Variants in LSS observed in about 807,000 individuals in gnomAD.
LSS encodes the protein lanosterol synthase, also known as 2,3-epoxysqualene-lanosterol cyclase.
LSS carries 90 observed loss-of-function variants against 110.3 expected under a neutral mutation model. The observed-to-expected ratio is 0.82, with a 90% confidence interval of 0.69 to 0.97. The LOEUF is 0.97. Among genes scored for constraint, LSS ranks in the 50% least tolerant of loss-of-function variants. The probability of loss-of-function intolerance (pLI) is 0.00; values close to 1 mark genes in which losing one functional copy is unlikely to be tolerated. For synonymous variants in LSS, 433 were observed against 400.0 expected (o/e 1.08, Z -0.98); for missense variants, 927 against 990.0 (o/e 0.94, Z 0.85).
chr21:46,189,572 G>C lies in LSS; in HGVS notation c.*1532C>G. ...CTGGACAGAAGACCCCAGAGGGTGC[G>C]GCACCTGGGTGAGAGCCCTGGACTG... On this transcript the variant is annotated 3_prime_UTR_variant, in exon 22 of 22. Transcript: ENST00000397728. The C allele has an allele frequency of 2.3e-6, 1 of 436,560 alleles. No homozygotes were observed. Among genetic ancestry groups the C allele is most frequent in the South Asian group, 1.6e-5 (1 of 61,094 alleles). 27.0% of individuals were successfully genotyped at this position (436,560 alleles called of 1,614,324 possible).
chr21:46,226,682 G>A (rs1369774479), intron 3 of LSS, among the ~76,000 whole-genome samples: 1 of 152,244 alleles, frequency 6.6e-6, no homozygotes, highest in African/African-American at 2.4e-5. Flanking sequence ...CCATGGAACT[G>A]TTTTTAACGT....
intron 17 of LSS, among the ~76,000 whole-genome samples, chr21:46,197,387 C>T (rs1242125179): frequency 6.6e-6 from 1 of 151,974 alleles, no homozygotes; most frequent in Non-Finnish European, 1.5e-5. Context: ...TAAACTTTTC[C>T]CAGAAAAAAA....
intron 17 of LSS, among the ~76,000 whole-genome samples, chr21:46,197,251 T>G (rs1443503900): frequency 6.6e-6 from 1 of 152,262 alleles, no homozygotes; most frequent in East Asian, 1.9e-4. Flanking sequence ...GAAAGTTTTA[T>G]GTATTACATT....
intron 6 of LSS, 61 bp downstream of exon 6, chr21:46,219,415 T>C: frequency 8.9e-7 from 1 of 1,125,138 alleles, no homozygotes; most frequent in Non-Finnish European, 1.2e-6. Flanking sequence ...CCACGGTCCC[T>C]GTCACTCTAC....
At chr21:46,211,636 G>A (rs1471554457) in intron 11 of LSS, among the ~76,000 whole-genome samples, 1 of 152,116 alleles carries the variant, frequency 6.6e-6, no homozygotes, top group Non-Finnish European at 1.5e-5. Flanking sequence ...GTGTGGCAGA[G>A]GCATCCAGAC....
chr21:46,205,514 C>T (rs1221815815), intron 17 of LSS, among the ~76,000 whole-genome samples: 2 of 152,230 alleles, frequency 1.3e-5, no homozygotes, highest in African/African-American at 4.8e-5. Flanking sequence ...TTTCTGAATA[C>T]TTGCTACCCT....
At position 46,215,163 on chromosome 21, in the gene LSS, C is replaced by G; in HGVS notation, c.1011+17G>C. On this transcript the variant is annotated intron_variant, in intron 9 of 21. Transcript: ENST00000397728. ...ACCCCCAGGGGCTGCAGTCAGAGGC[C>G]GGGCAGGGGCACTGACCGGGCCGAT... The G allele has an allele frequency of 6.2e-7, 1 of 1,602,284 alleles. No individual in the cohort carries two copies. Among genetic ancestry groups the G allele is most frequent in the Non-Finnish European group, 8.5e-7 (1 of 1,175,248 alleles).
intron 20 of LSS, 42 bp downstream of exon 20, chr21:46,194,449 C>A: frequency 6.2e-7 from 1 of 1,608,368 alleles, no homozygotes; most frequent in Non-Finnish European, 8.5e-7. Context: ...TGTCCCTCCT[C>A]TACCCAAACC....
In LSS at chr21:46,216,298, G is replaced by C; in HGVS notation, c.783+91C>G. ...TCTCCGCTCCACAGGGCCACCAGGT[G>C]AGTGGACAGGTGTGGTTAGATTCCA... On this transcript the variant is annotated intron_variant, in intron 7 of 21. Coordinates refer to ENST00000397728, the MANE Select transcript of LSS (RefSeq NM_002340.6). This position sits in a 1 kb window ranked among gnomAD's most constrained non-coding sequence, Gnocchi z 4.2. The C allele has an allele frequency of 6.6e-7, 1 of 1,519,946 alleles. No homozygotes were observed. The highest frequency in any genetic ancestry group is 9.1e-7 in the Non-Finnish European group (1 of 1,102,482). 94.2% of individuals were successfully genotyped at this position (1,519,946 alleles called of 1,614,324 possible). A position where few individuals can be genotyped will look rare whatever the true frequency, so the allele number is the denominator to read the frequency against.
intron 6 of LSS, among the ~76,000 whole-genome samples, chr21:46,217,348 A>G (rs2080220508): frequency 6.6e-6 from 1 of 151,856 alleles, no homozygotes; most frequent in African/African-American, 2.4e-5. Flanking sequence ...ACGTTAGCAC[A>G]GCTCCACCAG....
chr21:46,191,362 G>T, intron 21 of LSS, 127 bp from the exon 22 acceptor site: 1 of 1,020,916 alleles, frequency 9.8e-7, no homozygotes, highest in Non-Finnish European at 1.5e-6. Context: ...GGCTAATTAA[G>T]CAAGAGCATA....
At chr21:46,192,707 G>A (rs560725050) in intron 20 of LSS, 13 of 452,714 alleles carry the variant, frequency 2.9e-5, no homozygotes, top group East Asian at 7.1e-5. Context: ...CTCCATGTAC[G>A]TATGTCTGTG....
intron 9 of LSS, 57 bp downstream of exon 9, chr21:46,215,123 C>G (rs2080182606): frequency 2.7e-6 from 4 of 1,456,140 alleles, no homozygotes; most frequent in Middle Eastern, 4.8e-4. Context: ...TCTAGGACTT[C>G]ACTTTCGGAC....
rs369619415 is a variant in LSS at position 46,195,683 on chromosome 21, G to A, written c.1810C>T (p.Arg604Ter). 13 of 1,613,688 alleles carry A rather than the reference G, an allele frequency of 8.1e-6. No homozygotes were observed. The highest frequency in any genetic ancestry group is 2.7e-5 in the African/African-American group (2 of 74,924). The change falls in exon 19 of 22, where the codon CGA (arginine) becomes TGA (stop). Residue 604 changes from arginine to a stop codon, truncating the protein, a stop_gained. Coordinates refer to ENST00000397728, the MANE Select transcript of LSS (RefSeq NM_002340.6). LOFTEE classifies it high-confidence loss of function. ...EAFACMGQTY[R>*]DGTACAEVSR... ...GGACAGGCACTCACTCACCCATCTC[G>A]GTAGGTCTGCCCCATACAGGCGAAG...
In LSS at chr21:46,228,764, C is replaced by A; in HGVS notation, c.-19G>T. 6.3e-7 allele frequency: 1 copy of A among 1,583,190 alleles called. No homozygotes were observed. Among genetic ancestry groups the A allele is most frequent in the Non-Finnish European group, 8.5e-7 (1 of 1,171,470 alleles). On this transcript the variant is annotated 5_prime_UTR_variant, in exon 1 of 22. Coordinates refer to ENST00000397728, the MANE Select transcript of LSS (RefSeq NM_002340.6). The stretch of plus-strand genomic sequence containing the variant: ...CCGTCATTGCTGCTGCAGTGCTCTA[C>A]GCCGCCCACTGCCAGCTGCCAGATG...
chr21:46,196,697 G>A (rs2079913924), intron 17 of LSS, among the ~76,000 whole-genome samples: 1 of 152,234 alleles, frequency 6.6e-6, no homozygotes, highest in Admixed American at 6.5e-5. Flanking sequence ...TCTCTGAAAA[G>A]GCCAGAGCGA....
Position 46,206,676 on chromosome 21 carries a change from G to C in LSS, c.1560C>G (p.Val520=), listed in dbSNP as rs2080052813. Residue 520 remains valine, a synonymous_variant, in exon 16 of 22, where the codon GTC becomes GTG. Transcript: ENST00000397728. ...CAGTGCTGGCCGACCACTCACCGAAGACCTCCGAGGGGTTCAGCAGCTCCA... is the reference window on the plus strand; with the variant it reads ...CAGTGCTGGCCGACCACTCACCGAACACCTCCGAGGGGTTCAGCAGCTCCA... ...HLLELLNPSE[V]FGDIMIDYTY... 2 of 1,612,030 alleles carry C rather than the reference G, an allele frequency of 1.2e-6. No homozygotes were observed. The highest frequency in any genetic ancestry group is 1.7e-4 in the Middle Eastern group (1 of 6,060).
intron 2 of LSS, 95 bp from the exon 3 acceptor site, chr21:46,227,785 T>C: frequency 7.2e-7 from 1 of 1,386,228 alleles, no homozygotes; most frequent in Non-Finnish European, 1.0e-6. Context: ...GTCAAAACAG[T>C]GAATGTAAAT....
At chr21:46,192,205 C>A in intron 20 of LSS, 1 of 586,346 alleles carries the variant, frequency 1.7e-6, no homozygotes, top group Non-Finnish European at 3.0e-6. Context: ...CCTCCTCAGG[C>A]CTGCCCTGGT....
Sources: allele counts gnomAD v4.1 joint callset (sites outside exome capture counted in the v4.1 genomes callset), GRCh38; gene constraint gnomAD v4.1.1; non-coding constraint Gnocchi (gnomAD v3.1); transcripts MANE v1.5; gene names NCBI Gene and HGNC (gene_info 2026-07-23, HGNC 2026-07-21).